Variants in ALDH18A1 observed in about 807,000 individuals in gnomAD.
The protein encoded by ALDH18A1 is delta-1-pyrroline-5-carboxylate synthase.
ALDH18A1 carries 44 observed loss-of-function variants against 88.8 expected under a neutral mutation model. The observed-to-expected ratio is 0.50, with a 90% CI of 0.39 to 0.64. The LOEUF (loss-of-function observed/expected upper bound fraction) is 0.64. ALDH18A1 is among the 30% of genes least tolerant of loss of function. The probability of loss-of-function intolerance (pLI) is 0.00; values close to 1 mark genes in which losing one functional copy is unlikely to be tolerated. For synonymous variants in ALDH18A1, 331 were observed against 372.1 expected, an observed-to-expected ratio of 0.89 and a Z score of 1.27; for missense variants, 782 against 1,009.5, an observed-to-expected ratio of 0.77 and a Z score of 3.05.
At chr10:95,651,323 C>T (rs976725452) in intron 2 of ALDH18A1, among the ~76,000 whole-genome samples, 15 of 152,074 alleles carry the variant, frequency 9.9e-5, no homozygotes, top group African/African-American at 3.1e-4. Flanking sequence ...CATCAAATGA[C>T]GGTAAAGATG....
intron 15 of ALDH18A1, among the ~76,000 whole-genome samples, chr10:95,611,999 T>C (rs2097835836): frequency 6.6e-6 from 1 of 151,742 alleles, no homozygotes; most frequent in Admixed American, 6.6e-5. Flanking sequence ...AAAAAGAATG[T>C]GCAAGGCGTT....
chr10:95,642,111 A>G (rs1233888183), intron 3 of ALDH18A1, among the ~76,000 whole-genome samples: 2 of 152,226 alleles, frequency 1.3e-5, no homozygotes, highest in Non-Finnish European at 2.9e-5. Flanking sequence ...AGGTAGTGTA[A>G]GATTTCAGCT....
At chr10:95,613,662 T>C in intron 15 of ALDH18A1, 80 bp downstream of exon 15, 1 of 1,431,860 alleles carries the variant, frequency 7.0e-7, no homozygotes, top group South Asian at 1.1e-5. Context: ...TAAACTGCCT[T>C]ATATGGTATG....
chr10:95,611,646 G>C (rs1203790116), intron 15 of ALDH18A1, among the ~76,000 whole-genome samples: 1 of 152,222 alleles, frequency 6.6e-6, no homozygotes, highest in Non-Finnish European at 1.5e-5. Flanking sequence ...AGTTGGAACA[G>C]GGATTGAAGC....
chr10:95,619,199 G>A (rs1396916957), intron 12 of ALDH18A1, among the ~76,000 whole-genome samples: 1 of 152,090 alleles, frequency 6.6e-6, no homozygotes, highest in Non-Finnish European at 1.5e-5. Flanking sequence ...TTGCTACAAA[G>A]AGAATAAAAT....
intron 1 of ALDH18A1, 119 bp from the exon 2 acceptor site, chr10:95,653,524 T>C: frequency 2.5e-6 from 2 of 812,514 alleles, no homozygotes; most frequent in Admixed American, 2.1e-5. Context: ...CAAACTCCTC[T>C]GTATTAGGGA....
At chr10:95,648,569 G>C (rs1191743672) in intron 2 of ALDH18A1, among the ~76,000 whole-genome samples, 1 of 152,066 alleles carries the variant, frequency 6.6e-6, no homozygotes, top group Non-Finnish European at 1.5e-5. Context: ...TCTTAAATTT[G>C]AGCTGGCCCC....
chr10:95,637,068 C>G (rs765876176), intron 5 of ALDH18A1, 25 bp downstream of exon 5: 2 of 1,609,596 alleles, frequency 1.2e-6, no homozygotes, highest in South Asian at 2.2e-5. Flanking sequence ...AGGTCCCACA[C>G]CCATTTCAAA....
intron 11 of ALDH18A1, among the ~76,000 whole-genome samples, chr10:95,623,064 G>C (rs1301196912): frequency 1.3e-5 from 2 of 150,694 alleles, no homozygotes; most frequent in East Asian, 1.9e-4. Context: ...TTCTGCCTTG[G>C]GGGGAAGCAA....
At chr10:95,648,730 G>A (rs541629531) in intron 2 of ALDH18A1, among the ~76,000 whole-genome samples, 1 of 152,236 alleles carries the variant, frequency 6.6e-6, no homozygotes, top group East Asian at 1.9e-4. Context: ...AGAATGAGAA[G>A]CCACAGGGAA....
At chr10:95,611,605 T>C (rs1388796609) in intron 15 of ALDH18A1, among the ~76,000 whole-genome samples, 163 bp from the exon 16 acceptor site, 1 of 152,218 alleles carries the variant, frequency 6.6e-6, no homozygotes, top group Non-Finnish European at 1.5e-5. Context: ...ATGATCTGAC[T>C]GGCCACTTGC....
intron 10 of ALDH18A1, among the ~76,000 whole-genome samples, chr10:95,626,153 A>G (rs1054389034): frequency 2.1e-5 from 3 of 145,330 alleles, no homozygotes; most frequent in African/African-American, 8.5e-5. Context: ...TCTCAGGCCA[A>G]AGGATTCACT....
At chr10:95,651,480 AAAG>A (rs1159506039) in intron 2 of ALDH18A1, among the ~76,000 whole-genome samples, 1 of 152,238 alleles carries the variant, frequency 6.6e-6, no homozygotes, top group African/African-American at 2.4e-5. Context: ...GGTAATTTAT[AAAG>A]AAAAGAGGTT....
At position 95,613,954 on chromosome 10, in the gene ALDH18A1, C is replaced by T; in HGVS notation, c.1801+12G>A. On this transcript the variant is annotated intron_variant, in intron 14 of 17. Coordinates refer to ENST00000371224, the MANE Select transcript of ALDH18A1 (RefSeq NM_002860.4). ...TTCTCCGTTGTGAAAGAGAAGACCCCATCCAGCTCACCTAGCCTGGTGACC... is the reference window on the plus strand; with the variant it reads ...TTCTCCGTTGTGAAAGAGAAGACCCTATCCAGCTCACCTAGCCTGGTGACC... 1 of 1,614,202 alleles carries T rather than the reference C, an allele frequency of 6.2e-7. No homozygotes were observed.
In ALDH18A1 at chr10:95,623,667, G is replaced by A. The variant is rs1248317950; in HGVS notation, c.1246+1695C>T. Reference sequence around the variant, plus strand: ...GGCAACCTCTGCCTCCCGAGTTCAAGCGATTCTCCTGCCTCAGCCTCCTGA... The same window carrying A: ...GGCAACCTCTGCCTCCCGAGTTCAAACGATTCTCCTGCCTCAGCCTCCTGA... On this transcript the variant is annotated intron_variant, in intron 11 of 17. Coordinates refer to ENST00000371224, the MANE Select transcript of ALDH18A1 (RefSeq NM_002860.4). 2.0e-5 allele frequency among the ~76,000 whole-genome samples: 3 copies of A among 152,078 alleles called. No homozygotes were observed. In the East Asian group the frequency reaches 5.8e-4, roughly 29 times the overall value.
At chr10:95,632,036 A>G (rs1416232428) in intron 7 of ALDH18A1, among the ~76,000 whole-genome samples, 1 of 152,250 alleles carries the variant, frequency 6.6e-6, no homozygotes, top group Non-Finnish European at 1.5e-5. Flanking sequence ...GTGGAATATT[A>G]TTCAGCAATA....
intron 13 of ALDH18A1, 138 bp downstream of exon 13, chr10:95,616,339 A>C (rs749049): frequency 1.5e-5 from 19 of 1,241,068 alleles, no homozygotes; most frequent in Non-Finnish European, 2.0e-5. Context: ...CTAAAGTCTG[A>C]AGGCTCACAG....
At chr10:95,631,088 T>C (rs2097868441) in intron 7 of ALDH18A1, among the ~76,000 whole-genome samples, 2 of 152,174 alleles carry the variant, frequency 1.3e-5, no homozygotes, top group African/African-American at 4.8e-5. Flanking sequence ...CAGGGGACTT[T>C]TGGAATCCTA....
chr10:95,638,098 T>A (rs1287761151), intron 3 of ALDH18A1, among the ~76,000 whole-genome samples: 1 of 152,048 alleles, frequency 6.6e-6, no homozygotes, highest in East Asian at 1.9e-4. Context: ...ACTGCAGCCT[T>A]GGCTGCCTAG....
Sources: gnomAD v4.1 joint callset for allele counts (sites outside exome capture counted in the v4.1 genomes callset) on GRCh38, gnomAD v4.1.1 for gene constraint, MANE v1.5 for transcripts, NCBI Gene and HGNC (gene_info 2026-07-23, HGNC 2026-07-21) for gene names.